Variants in CCND3 observed in about 807,000 individuals in gnomAD.
CCND3 encodes the protein cyclin D3.
In CCND3, 9 loss-of-function variants were observed where a neutral mutation model predicts 28.7. The ratio of observed to expected loss-of-function variants is 0.31; its 90% CI spans 0.19 to 0.55. The LOEUF (loss-of-function observed/expected upper bound fraction) is 0.55, where lower values mean the gene tolerates loss of function less well. Ranked by LOEUF, CCND3 falls within the 20% of genes least tolerant of loss-of-function variation. The pLI, the probability that CCND3 is intolerant of heterozygous loss-of-function variation, is 0.93. For synonymous variants in CCND3, 164 were observed against 163.9 expected, an observed-to-expected ratio of 1.00 and a Z score of 0.00; for missense variants, 315 against 385.8, an observed-to-expected ratio of 0.82 and a Z score of 1.54.
At chr6:42,036,401 ATATTTTTTTTT>A (rs1157770544) in intron 1 of CCND3, among the ~76,000 whole-genome samples, 2 of 34,016 alleles carry the variant, frequency 5.9e-5, no homozygotes, top group Non-Finnish European at 1.0e-4. Context: ...ATATATATAT[ATATTTTTTTTT>A]TTTTTTTTTT....
At chr6:41,961,957 C>T (rs377541642) in intron 1 of CCND3, among the ~76,000 whole-genome samples, 4 of 152,196 alleles carry the variant, frequency 2.6e-5, no homozygotes, top group East Asian at 1.9e-4. Flanking sequence ...CAGGACCTGT[C>T]ATCAATACTT....
At chr6:41,959,577 G>A (rs1016347758) in intron 1 of CCND3, among the ~76,000 whole-genome samples, 7 of 151,134 alleles carry the variant, frequency 4.6e-5, no homozygotes, top group Admixed American at 2.0e-4. Flanking sequence ...CCAGCTACTC[G>A]GGATGGGGGC....
chr6:41,984,568 G>A (rs1762431660), intron 1 of CCND3, among the ~76,000 whole-genome samples: 1 of 152,036 alleles, frequency 6.6e-6, no homozygotes, highest in Admixed American at 6.6e-5. Flanking sequence ...GGCTGGTCTC[G>A]AACTCCTGAC....
chr6:42,019,147 T>C (rs1763621825), intron 1 of CCND3, among the ~76,000 whole-genome samples: 1 of 152,080 alleles, frequency 6.6e-6, no homozygotes, highest in Admixed American at 6.6e-5. Context: ...GTTTGTATAA[T>C]GTCAGATACT....
At chr6:41,992,738 C>T (rs1355826275) in intron 1 of CCND3, among the ~76,000 whole-genome samples, 3 of 151,818 alleles carry the variant, frequency 2.0e-5, no homozygotes, top group Non-Finnish European at 1.5e-5. Flanking sequence ...TGAGCCACAA[C>T]ACCCAGCAAT....
At position 41,997,093 on chromosome 6, in the gene CCND3, G is replaced by A. The variant is rs868265111; in HGVS notation, c.-46+51408C>T. ...TCTGTCCCCAGCCAGCCCACACAACGGATGCACAGAAAGGACCTGTCTTCT... is the reference window on the plus strand; with the variant it reads ...TCTGTCCCCAGCCAGCCCACACAACAGATGCACAGAAAGGACCTGTCTTCT... On this transcript the variant is annotated intron_variant, in intron 1 of 4. Coordinates refer to the CCND3 transcript ENST00000372988. Among the ~76,000 whole-genome samples, 6 of 152,076 alleles carry A rather than the reference G, an allele frequency of 3.9e-5. No homozygotes were observed. The South Asian group carries it at 6.2e-4, about 16-fold the overall frequency.
rs146101372 is a variant in CCND3 at position 41,982,703 on chromosome 6, C to T, written c.-45-42118G>A. Among the ~76,000 whole-genome samples, 93 of 152,090 alleles carry T rather than the reference C, an allele frequency of 6.1e-4. 2 individuals are homozygous for T. In the East Asian group the frequency reaches 0.013, roughly 21 times the overall value. On this transcript the variant is annotated intron_variant, in intron 1 of 4. Coordinates refer to the CCND3 transcript ENST00000372988. The stretch of plus-strand genomic sequence containing the variant: ...ACTTAATATAAAGCAACAGTAATCA[C>T]GACAGTGTGGTATTGGCAAAAGACT...
chr6:41,952,448 C>A (rs1776339202), intron 1 of CCND3, among the ~76,000 whole-genome samples: 1 of 152,188 alleles, frequency 6.6e-6, no homozygotes, highest in Non-Finnish European at 1.5e-5. Context: ...TGCTTGACAG[C>A]TATTGTACCT....
intron 1 of CCND3, among the ~76,000 whole-genome samples, chr6:42,019,765 G>A (rs1582170253): frequency 6.6e-6 from 1 of 151,942 alleles, no homozygotes; most frequent in Non-Finnish European, 1.5e-5. Context: ...TTACAATAAG[G>A]AAGTTTGTTT....
intron 1 of CCND3, among the ~76,000 whole-genome samples, chr6:42,000,333 G>C (rs1049613159): frequency 1.5e-4 from 19 of 124,860 alleles, no homozygotes; most frequent in Non-Finnish European, 2.4e-4. Context: ...TCCGCCTCTC[G>C]GGTTCACGCC....
intron 1 of CCND3, among the ~76,000 whole-genome samples, chr6:41,989,817 T>A (rs1762599866): frequency 6.6e-6 from 1 of 152,148 alleles, no homozygotes. Flanking sequence ...GCAGTTATAC[T>A]CCTTGGTATC....
At chr6:41,955,778 C>CA (rs200529847) in intron 1 of CCND3, among the ~76,000 whole-genome samples, 234 of 150,218 alleles carry the variant, frequency 1.6e-3, no homozygotes, top group African/African-American at 5.3e-3. Context: ...CCTGTCTCTA[C>CA]AAAAAAAAAT....
intron 1 of CCND3, among the ~76,000 whole-genome samples, chr6:42,041,316 A>G (rs1270014572): frequency 1.3e-5 from 2 of 152,246 alleles, no homozygotes; most frequent in African/African-American, 4.8e-5. Context: ...AAGGGATATG[A>G]GAGAAAAACT....
In CCND3 at chr6:42,020,786, T is replaced by C. The variant is rs185059692; in HGVS notation, c.-46+27715A>G. On this transcript the variant is annotated intron_variant, in intron 1 of 4. Coordinates refer to the CCND3 transcript ENST00000372988. The stretch of plus-strand genomic sequence containing the variant: ...TATTTATTGAGACGGAGTTTCGCTC[T>C]TATTGCCCAGGCTGGAGCGCAATGG... 9.1e-4 allele frequency among the ~76,000 whole-genome samples: 138 copies of C among 152,322 alleles called. 1 individual carries two copies. The highest frequency in any genetic ancestry group is 3.3e-3 in the African/African-American group (136 of 41,570).
chr6:41,982,185 G>T (rs892762631), intron 1 of CCND3, among the ~76,000 whole-genome samples: 3 of 151,530 alleles, frequency 2.0e-5, no homozygotes, highest in African/African-American at 7.3e-5. Flanking sequence ...CAGGAGAATC[G>T]CTTGAGCCCG....
At chr6:41,945,068 A>G (rs1776135350), upstream of CCND3, among the ~76,000 whole-genome samples, 1 of 152,168 alleles carries the variant, frequency 6.6e-6, no homozygotes, top group Non-Finnish European at 1.5e-5. Flanking sequence ...CAGGGCCAAT[A>G]GTATGAGGAG....
At chr6:42,041,180 CA>C (rs1764361684) in intron 1 of CCND3, among the ~76,000 whole-genome samples, 1 of 152,284 alleles carries the variant, frequency 6.6e-6, no homozygotes, top group Admixed American at 6.5e-5. Flanking sequence ...AGAGAAGAAA[CA>C]GGGGGGAGGA....
At chr6:41,980,071 T>C (rs902862096) in intron 1 of CCND3, among the ~76,000 whole-genome samples, 1 of 135,762 alleles carries the variant, frequency 7.4e-6, no homozygotes, top group Non-Finnish European at 1.6e-5. Context: ...TAATCCTCTA[T>C]CTATCTTAAA....
At chr6:42,030,401 GA>G (rs1400069868) in intron 1 of CCND3, among the ~76,000 whole-genome samples, 1 of 152,114 alleles carries the variant, frequency 6.6e-6, no homozygotes, top group Non-Finnish European at 1.5e-5. Context: ...TGGAGCTGGG[GA>G]TACCCCTAGA....
Sources: gnomAD v4.1 joint callset for allele counts (sites outside exome capture counted in the v4.1 genomes callset) on GRCh38, gnomAD v4.1.1 for gene constraint, MANE v1.5 for transcripts, NCBI Gene and HGNC (gene_info 2026-07-23, HGNC 2026-07-21) for gene names.